The following SPC24 variants were observed in gnomAD, a reference collection of about 807,000 sequenced individuals.
SPC24 encodes the protein SPC24 component of NDC80 kinetochore complex.
SPC24 carries 31 observed loss-of-function variants against 27.6 expected under a neutral mutation model. That is an observed-to-expected ratio of 1.12 (90% CI 0.84 to 1.52). The LOEUF is 1.52. Among genes scored for constraint, SPC24 ranks in the 40% most tolerant of loss-of-function variants. The pLI is 0.00. For synonymous variants in SPC24, 105 were observed against 105.8 expected (o/e 0.99, Z 0.05); for missense variants, 284 against 252.5 (o/e 1.12, Z -0.84).
Position 11,147,080 on chromosome 19 carries a change from C to A in SPC24, c.*103G>T, listed in dbSNP as rs12973949. 225 of 397,246 alleles carry A rather than the reference C, an allele frequency of 5.7e-4. No homozygotes were observed. The highest frequency in any genetic ancestry group is 1.5e-3 in the African/African-American group (61 of 41,996). The allele number at this position is 397,246 out of a possible 1,614,324, so 24.6% of individuals were successfully genotyped here. A position where few individuals can be genotyped will look rare whatever the true frequency, so the allele number is the denominator to read the frequency against. On this transcript the variant is annotated 3_prime_UTR_variant, in exon 5 of 5. Transcript: ENST00000592540. ...GGACAACAAGAGTGAAACTCTGTCT[C>A]AAAAAAAAAAAAAAAAAGATCTATG...
Position 11,153,161 on chromosome 19 carries a change from C to CTTGGCTGGGCGT in SPC24, c.160+2444_160+2455dup, listed in dbSNP as rs2077885060. On this transcript the variant is annotated intron_variant, in intron 1 of 4. Coordinates refer to ENST00000592540, the MANE Select transcript of SPC24 (RefSeq NM_182513.4). ...TACAAAAAAGAACTGAAAATAGAGT[C>CTTGGCTGGGCGT]TTGGCTGGGCGTGGTGGCTCACGCC... 2.0e-5 allele frequency among the ~76,000 whole-genome samples: 3 copies of CTTGGCTGGGCGT among 151,970 alleles called. No homozygotes were observed. The South Asian group carries it at 6.2e-4, about 32-fold the overall frequency.
At chr19:11,152,166 T>C (rs2077877727) in intron 1 of SPC24, among the ~76,000 whole-genome samples, 1 of 151,706 alleles carries the variant, frequency 6.6e-6, no homozygotes, top group Non-Finnish European at 1.5e-5. Flanking sequence ...GGTGATCTGC[T>C]TGCCTCAGCC....
chr19:11,152,453 A>G (rs1480394621), intron 1 of SPC24, among the ~76,000 whole-genome samples: 1 of 151,968 alleles, frequency 6.6e-6, no homozygotes, highest in Non-Finnish European at 1.5e-5. Context: ...CAAGTGATTC[A>G]CCCACCTCGG....
intron 1 of SPC24, among the ~76,000 whole-genome samples, chr19:11,153,194 C>T (rs1056462153): frequency 1.3e-5 from 2 of 151,986 alleles, no homozygotes; most frequent in African/African-American, 4.8e-5. Flanking sequence ...GCCTGTAATC[C>T]CAGCACTTTG....
intron 1 of SPC24, among the ~76,000 whole-genome samples, chr19:11,151,327 T>C (rs1405722619): frequency 6.6e-6 from 1 of 152,118 alleles, no homozygotes; most frequent in African/African-American, 2.4e-5. Flanking sequence ...GCAGCCACTT[T>C]CAAGTTTTAG....
At chr19:11,154,669 A>G (rs1228503594) in intron 1 of SPC24, among the ~76,000 whole-genome samples, 1 of 115,196 alleles carries the variant, frequency 8.7e-6, no homozygotes. Context: ...TAGGAAGGGT[A>G]GATATTGTAC....
At chr19:11,150,226 C>T (rs1486825632) in intron 1 of SPC24, among the ~76,000 whole-genome samples, 2 of 145,650 alleles carry the variant, frequency 1.4e-5, no homozygotes, top group Non-Finnish European at 3.0e-5. Context: ...TGTGGTGGCT[C>T]ATACCTGTAA....
Position 11,155,680 on chromosome 19 carries a change from GC to G in SPC24, c.96del (p.Arg33AlafsTer65). 6.4e-7 allele frequency: 1 copy of G among 1,558,906 alleles called. No individual in the cohort carries two copies. The highest frequency in any genetic ancestry group is 8.6e-7 in the Non-Finnish European group (1 of 1,159,682). On this transcript the variant is annotated frameshift_variant, in exon 1 of 5. Transcript: ENST00000592540. LOFTEE classifies it high-confidence loss of function. The stretch of plus-strand genomic sequence containing the variant: ...AGCCGCTCCACCACCTGCTCGTGGC[GC>G]CCCAGCAGCCGTCGCTGCTGCGCCT... ...RAEAQQRRLLGRHEQVVERLL... is the reference protein window; with the variant it reads ...RAEAQQRRLLXRHEQVVERLL...
At chr19:11,155,530 G>T in intron 1 of SPC24, 87 bp downstream of exon 1, 1 of 1,426,038 alleles carries the variant, frequency 7.0e-7, no homozygotes, top group African/African-American at 1.4e-5. Context: ...GTCCAGGAGA[G>T]AAGGGGTTTT....
chr19:11,148,064 C>A lies in SPC24; in HGVS notation c.359G>T (p.Arg120Leu). 6.2e-7 allele frequency: 1 copy of A among 1,613,876 alleles called. No homozygotes were observed. Among genetic ancestry groups the A allele is most frequent in the Non-Finnish European group, 8.5e-7 (1 of 1,179,882 alleles). The change falls in exon 3 of 5, where the codon CGA becomes CTA. Residue 120 changes from arginine to leucine, a missense_variant. Coordinates refer to ENST00000592540, the MANE Select transcript of SPC24 (RefSeq NM_182513.4). ...ELKEIEADLE[R>L]QEKEVDEDTT... ...GTCCTCGTCGACCTCCTTCTCCTGT[C>A]GCTCCAGATCCGCCTCAATCTCCTT...
intron 2 of SPC24, 109 bp downstream of exon 2, chr19:11,148,985 G>T: frequency 8.9e-7 from 1 of 1,129,398 alleles, no homozygotes; most frequent in Non-Finnish European, 1.2e-6. Flanking sequence ...GGGCTCAAGT[G>T]ATCCTCCCAC....
Position 11,155,675 on chromosome 19 carries a change from G to T in SPC24, c.102C>A (p.His34Gln), listed in dbSNP as rs1039191297. ...CCAGCAGCCGCTCCACCACCTGCTC[G>T]TGGCGCCCCAGCAGCCGTCGCTGCT... ...EAQQRRLLGRHEQVVERLLET... is the reference protein window; with the variant it reads ...EAQQRRLLGRQEQVVERLLET... The change falls in exon 1 of 5, where the codon CAC becomes CAA. Residue 34 changes from histidine (H) to glutamine (Q), a missense_variant. By Grantham distance (24) the His-to-Gln change is conservative. Coordinates refer to ENST00000592540, the MANE Select transcript of SPC24 (RefSeq NM_182513.4). 9.6e-6 allele frequency: 15 copies of T among 1,558,584 alleles called. No homozygotes were observed. The highest frequency in any genetic ancestry group is 4.1e-5 in the African/African-American group (3 of 73,168).
At chr19:11,152,046 G>A (rs567801170) in intron 1 of SPC24, among the ~76,000 whole-genome samples, 6 of 151,548 alleles carry the variant, frequency 4.0e-5, no homozygotes, top group Middle Eastern at 3.4e-3. Context: ...TCAGACTCCC[G>A]AGTAGCTGGG....
intron 1 of SPC24, among the ~76,000 whole-genome samples, chr19:11,151,907 C>T (rs1028932741): frequency 7.0e-6 from 1 of 143,342 alleles, no homozygotes; most frequent in Non-Finnish European, 1.5e-5. Context: ...CGCACCAGGC[C>T]TTTTTTTTTT....
intron 1 of SPC24, among the ~76,000 whole-genome samples, chr19:11,152,367 G>A (rs988804779): frequency 5.3e-5 from 8 of 152,030 alleles, no homozygotes; most frequent in Admixed American, 2.0e-4. Context: ...GCGCCACAAC[G>A]GCCAGCTAAT....
At chr19:11,147,766 A>T in intron 4 of SPC24, 52 bp downstream of exon 4, 1 of 1,509,822 alleles carries the variant, frequency 6.6e-7, no homozygotes, top group Non-Finnish European at 9.1e-7. Context: ...GCACCATTTT[A>T]TGTCCCTACC....
intron 4 of SPC24, 107 bp from the exon 5 acceptor site, chr19:11,147,396 T>C: frequency 1.4e-6 from 1 of 735,364 alleles, no homozygotes; most frequent in Non-Finnish European, 2.2e-6. Flanking sequence ...AGTTTCATTC[T>C]GTAGGCCAGG....
chr19:11,148,621 C>T (rs1188452231), intron 2 of SPC24, among the ~76,000 whole-genome samples: 1 of 151,968 alleles, frequency 6.6e-6, no homozygotes, highest in Non-Finnish European at 1.5e-5. Context: ...GCTGAGACTA[C>T]AGGTGTGTAC....
intron 1 of SPC24, among the ~76,000 whole-genome samples, chr19:11,153,261 C>T (rs528829835): frequency 2.8e-4 from 42 of 147,736 alleles, no homozygotes; most frequent in African/African-American, 9.5e-4. Context: ...CTGGCTAACA[C>T]GGTGAAACTC....
Sources: gnomAD v4.1 joint callset for allele counts (sites outside exome capture counted in the v4.1 genomes callset) on GRCh38, gnomAD v4.1.1 for gene constraint, MANE v1.5 for transcripts, NCBI Gene and HGNC (gene_info 2026-07-23, HGNC 2026-07-21) for gene names.